The following ZNF585A variants were observed in gnomAD, a reference collection of about 807,000 sequenced individuals.
ZNF585A encodes the protein zinc finger protein 585A.
Under a neutral mutation model 14.9 loss-of-function variants are expected in ZNF585A, and 9 were observed. The observed-to-expected ratio is 0.60, with a 90% CI of 0.36 to 1.05. The LOEUF (loss-of-function observed/expected upper bound fraction) is 1.05. Ranked by LOEUF, ZNF585A falls within the 50% of genes least tolerant of loss-of-function variation. The pLI is 0.01. For missense variants in ZNF585A, 726 were observed against 926.4 expected, an observed-to-expected ratio of 0.78 and a Z score of 2.81; for synonymous variants, 276 against 319.9, an observed-to-expected ratio of 0.86 and a Z score of 1.46.
At chr19:37,159,153 G>T (rs1971974319) in intron 2 of ZNF585A, among the ~76,000 whole-genome samples, 1 of 150,044 alleles carries the variant, frequency 6.7e-6, no homozygotes, top group Non-Finnish European at 1.5e-5. Flanking sequence ...GGAGGCTGAG[G>T]CACGAGAATC....
At chr19:37,165,430 T>C (rs547064697) in intron 2 of ZNF585A, 1 of 153,016 alleles carries the variant, frequency 6.5e-6, no homozygotes, top group Non-Finnish European at 1.5e-5. Context: ...TAAATTATTT[T>C]TCTAAATTAT....
At position 37,169,958 on chromosome 19, in the gene ZNF585A, G is replaced by A; in HGVS notation, c.-48C>T. Reference sequence around the variant, plus strand: ...TTTTCTGTAGGGTGTCTGAAGCTTGGCAGTCATCTGTGAACTCAAGCAGAG... The same window carrying A: ...TTTTCTGTAGGGTGTCTGAAGCTTGACAGTCATCTGTGAACTCAAGCAGAG... On this transcript the variant is annotated 5_prime_UTR_variant, in exon 2 of 5. Coordinates refer to ENST00000292841, the MANE Select transcript of ZNF585A (RefSeq NM_001288800.2). 1.3e-6 allele frequency: 2 copies of A among 1,589,412 alleles called. No individual in the cohort carries two copies. The highest frequency in any genetic ancestry group is 1.7e-6 in the Non-Finnish European group (2 of 1,171,142).
At position 37,170,041 on chromosome 19, in the gene ZNF585A, A is replaced by C; in HGVS notation, c.-131T>G. 1 of 1,003,354 alleles carries C rather than the reference A, an allele frequency of 1.0e-6. No individual in the cohort carries two copies. The highest frequency in any genetic ancestry group is 1.5e-6 in the Non-Finnish European group (1 of 689,586). 62.2% of individuals were successfully genotyped at this position (1,003,354 alleles called of 1,614,324 possible). A position where few individuals can be genotyped will look rare whatever the true frequency, so the allele number is the denominator to read the frequency against. ...AAAATCTGGCCCAGGGGCTCCCCAG[A>C]GACACCCAGAAACCTGGAAAGACAA... On this transcript the variant is annotated 5_prime_UTR_variant, in exon 2 of 5. Transcript: ENST00000292841.
At chr19:37,156,171 G>A in intron 3 of ZNF585A, 58 bp downstream of exon 3, 8 of 1,598,092 alleles carry the variant, frequency 5.0e-6, no homozygotes, top group Non-Finnish European at 6.8e-6. Flanking sequence ...TTCACCAACT[G>A]AGAATGAAAA....
rs1228004263 is a variant in ZNF585A at position 37,145,950 on chromosome 19, T to C, written c.*5639A>G. 6.6e-6 allele frequency: 1 copy of C among 152,008 alleles called. No individual in the cohort carries two copies. Among genetic ancestry groups the C allele is most frequent in the African/African-American group, 2.4e-5 (1 of 41,256 alleles). 9.4% of individuals were successfully genotyped at this position (152,008 alleles called of 1,614,324 possible). A position where few individuals can be genotyped will look rare whatever the true frequency, so the allele number is the denominator to read the frequency against. ...ATAAAGTATAATTGTGTTGATTATA[T>C]TTAAAACCATTAATAGAAACAATAT... On this transcript the variant is annotated 3_prime_UTR_variant, in exon 5 of 5. Transcript: ENST00000292841.
chr19:37,167,625 T>C (rs897497847), intron 2 of ZNF585A, among the ~76,000 whole-genome samples: 5 of 147,348 alleles, frequency 3.4e-5, no homozygotes, highest in Non-Finnish European at 5.9e-5. Context: ...TTTTATTTTA[T>C]TTTATTTTAT....
At chr19:37,169,732 G>A in intron 2 of ZNF585A, 107 bp downstream of exon 2, 1 of 1,349,542 alleles carries the variant, frequency 7.4e-7, no homozygotes, top group Non-Finnish European at 1.0e-6. Context: ...GAGTCCAGCT[G>A]CTTCCTGTGG....
chr19:37,159,248 C>CAAA (rs768272181), intron 2 of ZNF585A, among the ~76,000 whole-genome samples: 6,081 of 69,092 alleles, frequency 0.088, 481 homozygotes, highest in African/African-American at 0.18. Flanking sequence ...GACTCCATCT[C>CAAA]AAAAAAAAAA....
intron 2 of ZNF585A, among the ~76,000 whole-genome samples, chr19:37,161,543 T>C (rs1417227286): frequency 6.6e-6 from 1 of 152,046 alleles, no homozygotes; most frequent in Admixed American, 6.6e-5. Context: ...GATACATGAA[T>C]TTTTTTCAAT....
intron 2 of ZNF585A, among the ~76,000 whole-genome samples, chr19:37,158,423 C>A (rs2145405784): frequency 6.6e-6 from 1 of 152,308 alleles, no homozygotes; most frequent in South Asian, 2.1e-4. Context: ...TAATTAATTT[C>A]ATTACACTAC....
At position 37,153,528 on chromosome 19, in the gene ZNF585A, T is replaced by C; in HGVS notation, c.371A>G (p.Tyr124Cys). 1 of 1,614,156 alleles carries C rather than the reference T, an allele frequency of 6.2e-7. No homozygotes were observed. The highest frequency in any genetic ancestry group is 8.5e-7 in the Non-Finnish European group (1 of 1,180,020). ...GCATTCATAAGCTTTCTCCCCAGGA[T>C]ACATTTTTTGAGGTTGAGAGGATAC... ...KQVSSQPQKM[Y>C]PGEKAYECAK... The change falls in exon 5 of 5, where the codon TAT (tyrosine) becomes TGT (cysteine). Residue 124 changes from tyrosine to cysteine, a missense_variant. By Grantham distance (194) the Tyr-to-Cys change is radical (BLOSUM62 -2). Coordinates refer to ENST00000292841, the MANE Select transcript of ZNF585A (RefSeq NM_001288800.2).
intron 2 of ZNF585A, among the ~76,000 whole-genome samples, chr19:37,157,015 C>A (rs1971942669): frequency 1.3e-5 from 2 of 152,158 alleles, no homozygotes; most frequent in African/African-American, 2.4e-5. Context: ...AAATGCAAAT[C>A]ATGAACTAGG....
At chr19:37,165,231 G>A (rs1020819444) in intron 2 of ZNF585A, among the ~76,000 whole-genome samples, 1 of 151,870 alleles carries the variant, frequency 6.6e-6, no homozygotes, top group African/African-American at 2.4e-5. Context: ...GCGTGGTGGC[G>A]CACGCCTGTA....
At chr19:37,170,530 C>T (rs1972166285) in intron 1 of ZNF585A, among the ~76,000 whole-genome samples, 1 of 152,216 alleles carries the variant, frequency 6.6e-6, no homozygotes, top group African/African-American at 2.4e-5. Context: ...TGTCGCCAGG[C>T]TGGAGTGCAG....
In ZNF585A at chr19:37,151,835, T is replaced by C. The variant is rs1226082830; in HGVS notation, c.2064A>G (p.Lys688=). Residue 688 remains lysine (K), a synonymous_variant, in exon 5 of 5, where the codon AAA becomes AAG. Coordinates refer to ENST00000292841, the MANE Select transcript of ZNF585A (RefSeq NM_001288800.2). ...ITHHRIHTGE[K]PYECSDCGKS... The stretch of plus-strand genomic sequence containing the variant: ...TCCCACAGTCACTGCACTCATAAGG[T>C]TTCTCTCCAGTATGAATTCTGTGAT... 4 of 1,605,884 alleles carry C rather than the reference T, an allele frequency of 2.5e-6. No homozygotes were observed. The African/African-American group carries it at 4.1e-5, about 17-fold the overall frequency.
rs1971734596 is a variant in ZNF585A at position 37,145,732 on chromosome 19, G to A, written c.*5857C>T. 1 of 152,102 alleles carries A rather than the reference G, an allele frequency of 6.6e-6. No individual in the cohort carries two copies. Among genetic ancestry groups the A allele is most frequent in the Admixed American group, 6.5e-5 (1 of 15,272 alleles). The allele number at this position is 152,102 out of a possible 1,614,324, so 9.4% of individuals were successfully genotyped here. A position where few individuals can be genotyped will look rare whatever the true frequency, so the allele number is the denominator to read the frequency against. On this transcript the variant is annotated 3_prime_UTR_variant, in exon 5 of 5. Coordinates refer to ENST00000292841, the MANE Select transcript of ZNF585A (RefSeq NM_001288800.2). Reference sequence around the variant, plus strand: ...AAATCACTAAGGATGTAACCTAATTGTGCTGATTTCACAGAGGGTGGAAAA... The same window carrying A: ...AAATCACTAAGGATGTAACCTAATTATGCTGATTTCACAGAGGGTGGAAAA...
At chr19:37,163,675 A>G (rs1051879915) in intron 2 of ZNF585A, among the ~76,000 whole-genome samples, 1 of 152,106 alleles carries the variant, frequency 6.6e-6, no homozygotes, top group Non-Finnish European at 1.5e-5. Context: ...GTACAAATTT[A>G]ATAAATACTG....
intron 2 of ZNF585A, 74 bp from the exon 3 acceptor site, chr19:37,156,429 A>C: frequency 6.5e-7 from 1 of 1,529,570 alleles, no homozygotes; most frequent in Non-Finnish European, 8.8e-7. Flanking sequence ...AGGAATATGG[A>C]ATACAGGTCT....
intron 2 of ZNF585A, among the ~76,000 whole-genome samples, chr19:37,166,738 A>G (rs1019844618): frequency 2.0e-5 from 3 of 151,576 alleles, no homozygotes; most frequent in East Asian, 1.9e-4. Context: ...CTCATACCTT[A>G]GGTCTTTTTT....
Sources: allele counts gnomAD v4.1 joint callset (sites outside exome capture counted in the v4.1 genomes callset), GRCh38; gene constraint gnomAD v4.1.1; transcripts MANE v1.5; gene names NCBI Gene and HGNC (gene_info 2026-07-23, HGNC 2026-07-21).